The following KIAA1671 variants were observed in gnomAD, a reference collection of about 807,000 sequenced individuals.
KIAA1671 encodes the protein KIAA1671.
KIAA1671 carries 52 observed loss-of-function variants against 131.2 expected under a neutral mutation model. The observed-to-expected ratio is 0.40, with a 90% CI of 0.32 to 0.50. KIAA1671 has a LOEUF of 0.50. Ranked by LOEUF, KIAA1671 falls within the 20% of genes least tolerant of loss-of-function variation. The pLI is 0.73. For missense variants in KIAA1671, 2,360 were observed against 2,364.2 expected, an observed-to-expected ratio of 1.00 and a Z score of 0.04; for synonymous variants, 1,003 against 961.6, an observed-to-expected ratio of 1.04 and a Z score of -0.80.
At chr22:25,095,546 G>C (rs1243735985) in intron 6 of KIAA1671, among the ~76,000 whole-genome samples, 1 of 152,176 alleles carries the variant, frequency 6.6e-6, no homozygotes, top group African/African-American at 2.4e-5. Context: ...AGCTACTCGG[G>C]AGGCTGAGGC....
intron 6 of KIAA1671, among the ~76,000 whole-genome samples, chr22:25,147,540 G>A (rs1383680827): frequency 1.3e-5 from 2 of 152,102 alleles, no homozygotes; most frequent in Non-Finnish European, 2.9e-5. Flanking sequence ...CCTTTGCCCT[G>A]GCCATGCCCT....
intron 6 of KIAA1671, among the ~76,000 whole-genome samples, chr22:25,143,829 T>C (rs1364667782): frequency 6.6e-6 from 1 of 152,138 alleles, no homozygotes; most frequent in Admixed American, 6.5e-5. Flanking sequence ...TGTGTGACCT[T>C]GAGCAAGTGA....
In KIAA1671 at chr22:25,181,716, AAGG is replaced by A. The variant is rs1417554406; in HGVS notation, c.5098_5100del (p.Glu1700del). 1 of 1,551,592 alleles carries A rather than the reference AAGG, an allele frequency of 6.4e-7. No homozygotes were observed. Among genetic ancestry groups the A allele is most frequent in the Admixed American group, 2.0e-5 (1 of 50,998 alleles). ...TGCAACAGAGGAGAAATCACCCAGG[AAGG>A]AGGAGTCGGATGAGGAGGAGACGGC... is the stretch of plus-strand genomic sequence containing the variant. On this transcript the variant is annotated inframe_deletion, in exon 10 of 13. Coordinates refer to ENST00000358431, the MANE Select transcript of KIAA1671 (RefSeq NM_001145206.2).
intron 7 of KIAA1671, among the ~76,000 whole-genome samples, chr22:25,171,273 C>T (rs1013428180): frequency 1.3e-5 from 2 of 151,366 alleles, no homozygotes; most frequent in South Asian, 4.2e-4. Context: ...GGCAGCGTAC[C>T]CCTGTAATCC....
chr22:25,033,585 T>TGTTTG (rs1387676418), intron 4 of KIAA1671, among the ~76,000 whole-genome samples: 4 of 125,584 alleles, frequency 3.2e-5, no homozygotes, highest in African/African-American at 9.3e-5. Flanking sequence ...TTTTTTTTTT[T>TGTTTG]TTTTTTTTTT....
At chr22:25,168,413 T>C (rs1452243980) in intron 6 of KIAA1671, among the ~76,000 whole-genome samples, 1 of 152,202 alleles carries the variant, frequency 6.6e-6, no homozygotes, top group Non-Finnish European at 1.5e-5. Context: ...ATCCAGGGTA[T>C]ACAGTGGTGG....
rs1926126712 is a variant in KIAA1671 at position 25,029,130 on chromosome 22, C to G, written c.1131C>G (p.Val377=). The G allele has an allele frequency of 4.1e-6, 6 of 1,461,300 alleles. No individual in the cohort carries two copies. Among genetic ancestry groups the G allele is most frequent in the Non-Finnish European group, 5.4e-6 (6 of 1,104,892 alleles). The allele number at this position is 1,461,300 out of a possible 1,614,324, so 90.5% of individuals were successfully genotyped here. A position where few individuals can be genotyped will look rare whatever the true frequency, so the allele number is the denominator to read the frequency against. ...PRALVGGSSG[V]TPSNDQSPWE... is the part of the protein sequence containing the mutation. ...CCCTGGTGGGGGGCTCATCTGGGGT[C>G]ACCCCCAGCAATGACCAGAGTCCCT... Residue 377 remains valine, a synonymous_variant, in exon 3 of 13, where the codon GTC becomes GTG. Coordinates refer to ENST00000358431, the MANE Select transcript of KIAA1671 (RefSeq NM_001145206.2).
intron 5 of KIAA1671, 88 bp downstream of exon 5, chr22:25,041,613 T>C (rs999164902): frequency 7.4e-7 from 1 of 1,354,542 alleles, no homozygotes; most frequent in Non-Finnish European, 9.8e-7. Context: ...TGTGGCCCAC[T>C]TTGGGTACAT....
At chr22:25,078,744 G>A (rs977909657) in intron 6 of KIAA1671, among the ~76,000 whole-genome samples, 1 of 152,194 alleles carries the variant, frequency 6.6e-6, no homozygotes, top group African/African-American at 2.4e-5. Context: ...AGCAATGTCT[G>A]TGGCTGAAAT....
At chr22:25,089,902 G>T (rs984220476) in intron 6 of KIAA1671, among the ~76,000 whole-genome samples, 5 of 152,194 alleles carry the variant, frequency 3.3e-5, no homozygotes, top group African/African-American at 1.2e-4. Flanking sequence ...TTGAACAGGG[G>T]TTTTCTAGGT....
rs1419108966 is a variant in KIAA1671, at chr22:25,028,172, C to T, written c.173C>T (p.Ala58Val). 8 of 1,549,690 alleles carry T rather than the reference C, an allele frequency of 5.2e-6. No homozygotes were observed. The highest frequency in any genetic ancestry group is 6.1e-6 in the Non-Finnish European group (7 of 1,145,700). ...GCGAAGAGCCCCCTGCGGAGCCCGG[C>T]CCGGTTACTCCCTCTGCCAAGGCTC... is the stretch of plus-strand genomic sequence containing the variant. Reference protein sequence around the residue: ...LEAKSPLRSPARLLPLPRLAP... With the variant: ...LEAKSPLRSPVRLLPLPRLAP... The change falls in exon 3 of 13, where the codon GCC becomes GTC. Residue 58 changes from alanine (A) to valine (V), a missense_variant. By Grantham distance (64) the Ala-to-Val change is moderately conservative (BLOSUM62 0). This residue lies in a region of KIAA1671 where 1,185 missense variants were observed against 1,126.2 expected (regional missense o/e 1.05). Coordinates refer to ENST00000358431, the MANE Select transcript of KIAA1671 (RefSeq NM_001145206.2).
At chr22:25,171,222 G>GA in intron 7 of KIAA1671, among the ~76,000 whole-genome samples, 1 of 151,278 alleles carries the variant, frequency 6.6e-6, no homozygotes, top group Non-Finnish European at 1.5e-5. Context: ...AAACATGGTG[G>GA]AACCCCGTCT....
chr22:25,133,685 G>C (rs1370916280), intron 6 of KIAA1671, among the ~76,000 whole-genome samples: 3 of 152,136 alleles, frequency 2.0e-5, no homozygotes, highest in Non-Finnish European at 2.9e-5. Flanking sequence ...TGGGACTACA[G>C]GCACCCACCA....
At chr22:25,000,209 T>TA (rs1241803812) in intron 1 of KIAA1671, among the ~76,000 whole-genome samples, 1 of 72,234 alleles carries the variant, frequency 1.4e-5, no homozygotes, top group Non-Finnish European at 3.1e-5. Context: ...TTTTTTTTTT[T>TA]TTGAGACGGA....
At chr22:25,130,212 G>A (rs565420801) in intron 6 of KIAA1671, among the ~76,000 whole-genome samples, 2 of 152,212 alleles carry the variant, frequency 1.3e-5, no homozygotes, top group South Asian at 4.2e-4. Flanking sequence ...TACAGCAAAA[G>A]GTATATATCA....
At position 25,190,760 on chromosome 22, in the gene KIAA1671, C is replaced by A. The variant is rs1436875227; in HGVS notation, c.5401C>A (p.Leu1801Ile). 7.1e-6 allele frequency: 11 copies of A among 1,551,514 alleles called. No individual in the cohort carries two copies. The highest frequency in any genetic ancestry group is 9.6e-6 in the Non-Finnish European group (11 of 1,146,796). Reference protein sequence around the residue: ...KELKSKKRQSLYENQV With the variant: ...KELKSKKRQSIYENQV ...ATTGAAATCCAAGAAGAGGCAAAGT[C>A]TTTATGAGAACCAAGTTTGACCAGG... The change falls in exon 12 of 13, where the codon CTT becomes ATT. Residue 1801 changes from leucine to isoleucine, a missense_variant. This residue lies in a region of KIAA1671 where 1,161 missense variants were observed against 1,204.7 expected (regional missense o/e 0.96). Transcript: ENST00000358431.
At chr22:25,107,015 G>A (rs1931041300) in intron 6 of KIAA1671, among the ~76,000 whole-genome samples, 1 of 152,022 alleles carries the variant, frequency 6.6e-6, no homozygotes, top group Non-Finnish European at 1.5e-5. Flanking sequence ...TGGACACAGT[G>A]CCCCCCCACC....
In KIAA1671 at chr22:25,035,036, CTTT is replaced by C. The variant is rs143999685; in HGVS notation, c.1629+2357_1629+2359del. ...ACAGGCATAAGCCACTGCGCCTGGC[CTTT>C]TTTTTTTTTTTTTTTTCTAATTTTT... On this transcript the variant is annotated intron_variant, in intron 4 of 12. Transcript: ENST00000358431. Among the ~76,000 whole-genome samples, 626 of 117,538 alleles carry C rather than the reference CTTT, an allele frequency of 5.3e-3. 4 individuals are homozygous for C. The highest frequency in any genetic ancestry group is 8.1e-3 in the Non-Finnish European group (474 of 58,372). The allele number at this position is 117,538 out of a possible 152,430, so 77.1% of individuals were successfully genotyped here. A position where few individuals can be genotyped will look rare whatever the true frequency, so the allele number is the denominator to read the frequency against.
intron 6 of KIAA1671, among the ~76,000 whole-genome samples, chr22:25,104,860 C>T (rs2145902580): frequency 6.6e-6 from 1 of 152,188 alleles, no homozygotes; most frequent in South Asian, 2.1e-4. Context: ...TGGCCTTCCA[C>T]CCTTAATGGC....
Sources: allele counts gnomAD v4.1 joint callset (sites outside exome capture counted in the v4.1 genomes callset), GRCh38; gene constraint gnomAD v4.1.1; regional missense constraint gnomAD v4.1.1; transcripts MANE v1.5; gene names NCBI Gene and HGNC (gene_info 2026-07-23, HGNC 2026-07-21).